Variants in RIC1 observed in about 807,000 individuals in gnomAD.
RIC1 encodes guanine nucleotide exchange factor subunit RIC1.
In RIC1, 88 loss-of-function variants were observed where a neutral mutation model predicts 169.0. The ratio of observed to expected loss-of-function variants is 0.52; its 90% CI spans 0.44 to 0.62. The LOEUF (loss-of-function observed/expected upper bound fraction) is 0.62. RIC1 is among the 20% of genes least tolerant of loss of function. The probability of loss-of-function intolerance (pLI) is 0.00; values close to 1 mark genes in which losing one functional copy is unlikely to be tolerated. For synonymous variants in RIC1, 790 were observed against 601.5 expected (o/e 1.31, Z -4.59); for missense variants, 1,877 against 1,725.5 (o/e 1.09, Z -1.56).
At chr9:5,716,449 C>G (rs1428459137) in intron 4 of RIC1, among the ~76,000 whole-genome samples, 1 of 152,060 alleles carries the variant, frequency 6.6e-6, no homozygotes, top group Non-Finnish European at 1.5e-5. Context: ...CCTGTCTCTA[C>G]TAAAAATATA....
chr9:5,722,932 C>G (rs1227499587), intron 6 of RIC1, among the ~76,000 whole-genome samples: 1 of 152,114 alleles, frequency 6.6e-6, no homozygotes, highest in Non-Finnish European at 1.5e-5. Context: ...GTATATGTGC[C>G]ACATTTTCTT....
At chr9:5,685,204 A>T (rs1821141221) in intron 2 of RIC1, among the ~76,000 whole-genome samples, 2 of 149,420 alleles carry the variant, frequency 1.3e-5, no homozygotes, top group Admixed American at 6.7e-5. Context: ...ATACTGCCCA[A>T]GGTGATTTAC....
intron 2 of RIC1, among the ~76,000 whole-genome samples, chr9:5,671,142 A>G (rs1820066498): frequency 6.6e-6 from 1 of 152,148 alleles, no homozygotes; most frequent in Non-Finnish European, 1.5e-5. Context: ...ACTTTAGCAG[A>G]ATTCAGGCTC....
intron 2 of RIC1, among the ~76,000 whole-genome samples, chr9:5,682,706 G>A (rs1820931841): frequency 6.6e-6 from 1 of 152,114 alleles, no homozygotes; most frequent in Admixed American, 6.6e-5. Context: ...ATGTTGGCCT[G>A]CCTTGCTAGA....
chr9:5,770,024 A>G, intron 22 of RIC1, 63 bp from the exon 23 acceptor site: 2 of 1,410,714 alleles, frequency 1.4e-6, no homozygotes, highest in Non-Finnish European at 1.9e-6. Context: ...GCTGAATTGA[A>G]AATGTCAGTG....
At chr9:5,693,234 G>A (rs536086375) in intron 3 of RIC1, among the ~76,000 whole-genome samples, 1 of 152,200 alleles carries the variant, frequency 6.6e-6, no homozygotes, top group African/African-American at 2.4e-5. Flanking sequence ...TTTCTCTTCT[G>A]TAAATCTTAC....
intron 4 of RIC1, 21 bp downstream of exon 4, chr9:5,714,024 T>A (rs1444920151): frequency 3.9e-6 from 6 of 1,520,838 alleles, no homozygotes; most frequent in Non-Finnish European, 4.5e-6. Context: ...TTGGTTAAAT[T>A]TGACATTGTG....
In RIC1 at chr9:5,774,320, G is replaced by A; in HGVS notation, c.*74G>A. ...AGCTCAGTACGTTGTAACATAGTTGGATGATTTAACAGGAGAACTCAGTTC... is the reference window on the plus strand; with the variant it reads ...AGCTCAGTACGTTGTAACATAGTTGAATGATTTAACAGGAGAACTCAGTTC... On this transcript the variant is annotated 3_prime_UTR_variant, in exon 26 of 26. Coordinates refer to ENST00000414202, the MANE Select transcript of RIC1 (RefSeq NM_020829.4). 7.5e-7 allele frequency: 1 copy of A among 1,324,522 alleles called. No homozygotes were observed. Among genetic ancestry groups the A allele is most frequent in the Non-Finnish European group, 1.0e-6 (1 of 973,772 alleles). 82.0% of individuals were successfully genotyped at this position (1,324,522 alleles called of 1,614,324 possible).
chr9:5,727,375 T>G (rs1038416536), intron 6 of RIC1, among the ~76,000 whole-genome samples: 2 of 152,226 alleles, frequency 1.3e-5, no homozygotes, highest in African/African-American at 4.8e-5. Context: ...CGTGCGATGG[T>G]TTTCAGCTCC....
At chr9:5,696,201 T>G (rs1821894331) in intron 3 of RIC1, among the ~76,000 whole-genome samples, 2 of 152,124 alleles carry the variant, frequency 1.3e-5, no homozygotes, top group Admixed American at 1.3e-4. Flanking sequence ...AACTCATTTC[T>G]CTTCCCCTAG....
At chr9:5,629,737 C>T (rs1264085538) in intron 1 of RIC1, among the ~76,000 whole-genome samples, 3 of 152,226 alleles carry the variant, frequency 2.0e-5, no homozygotes, top group Non-Finnish European at 2.9e-5. Flanking sequence ...CGCACGCTCC[C>T]CGGCCGAGCC....
At chr9:5,741,850 GT>G (rs1270133842) in intron 8 of RIC1, among the ~76,000 whole-genome samples, 6 of 152,132 alleles carry the variant, frequency 3.9e-5, no homozygotes, top group Non-Finnish European at 8.8e-5. Context: ...AGAGCCGATT[GT>G]TTTCCTTGAA....
intron 2 of RIC1, among the ~76,000 whole-genome samples, chr9:5,665,113 T>G (rs577180963): frequency 6.6e-6 from 1 of 152,126 alleles, no homozygotes; most frequent in African/African-American, 2.4e-5. Context: ...GGAGCGTATA[T>G]ATTGAGGACA....
chr9:5,670,775 G>A (rs1820042334), intron 2 of RIC1, among the ~76,000 whole-genome samples: 1 of 152,222 alleles, frequency 6.6e-6, no homozygotes, highest in Admixed American at 6.5e-5. Flanking sequence ...AGAGCTGGCT[G>A]AACAGAAGCG....
At chr9:5,660,120 C>G (rs1819359685) in intron 2 of RIC1, among the ~76,000 whole-genome samples, 1 of 152,126 alleles carries the variant, frequency 6.6e-6, no homozygotes. Flanking sequence ...ATTTTCTGTT[C>G]CTGTGTTAGT....
At chr9:5,634,531 C>G (rs1357732098) in intron 1 of RIC1, among the ~76,000 whole-genome samples, 2 of 152,020 alleles carry the variant, frequency 1.3e-5, no homozygotes, top group Admixed American at 6.5e-5. Context: ...CTGTTCAGAT[C>G]TCTTGTCCAT....
At chr9:5,702,354 G>C (rs1211038049) in intron 3 of RIC1, among the ~76,000 whole-genome samples, 1 of 152,122 alleles carries the variant, frequency 6.6e-6, no homozygotes, top group Non-Finnish European at 1.5e-5. Context: ...AGGTTTAATT[G>C]GTTCACAGTT....
chr9:5,769,961 T>TTC (rs1827087787), intron 22 of RIC1, 126 bp from the exon 23 acceptor site: 1 of 777,766 alleles, frequency 1.3e-6, no homozygotes, highest in East Asian at 2.7e-5. Flanking sequence ...TACAGGACAG[T>TTC]AATTGCCTTT....
intron 15 of RIC1, among the ~76,000 whole-genome samples, chr9:5,755,527 G>C (rs1415108957): frequency 6.6e-6 from 1 of 152,178 alleles, no homozygotes; most frequent in Non-Finnish European, 1.5e-5. Context: ...GTTGACTGTA[G>C]ATAACTGAAA....
Sources: gnomAD v4.1 joint callset for allele counts (sites outside exome capture counted in the v4.1 genomes callset) on GRCh38, gnomAD v4.1.1 for gene constraint, MANE v1.5 for transcripts, NCBI Gene and HGNC (gene_info 2026-07-23, HGNC 2026-07-21) for gene names.